Variants in KSR1 observed in about 807,000 individuals in gnomAD.
KSR1 encodes kinase suppressor of ras.
A neutral mutation model predicts 92.9 loss-of-function variants in KSR1; 35 were observed. The observed-to-expected ratio is 0.38, with a 90% CI of 0.29 to 0.50. The LOEUF is 0.50. KSR1 is among the 20% of genes least tolerant of loss of function. KSR1 has a pLI of 0.94. For synonymous variants in KSR1, 467 were observed against 472.6 expected (o/e 0.99, Z 0.15); for missense variants, 972 against 1,158.5 (o/e 0.84, Z 2.34).
chr17:27,527,447 G>T (rs1164214034), intron 1 of KSR1, among the ~76,000 whole-genome samples: 2 of 129,878 alleles, frequency 1.5e-5, no homozygotes, highest in African/African-American at 6.0e-5. Context: ...CTGTCACCTA[G>T]GCTAGAGTGC....
intron 1 of KSR1, among the ~76,000 whole-genome samples, chr17:27,492,342 C>G (rs1207328346): frequency 6.6e-6 from 1 of 152,126 alleles, no homozygotes; most frequent in Non-Finnish European, 1.5e-5. Context: ...CCTCAACTCA[C>G]CTTTGCAGAG....
At position 27,623,731 on chromosome 17, in the gene KSR1, C is replaced by T. The variant is rs1173642871; in HGVS notation, c.*339C>T. On this transcript the variant is annotated 3_prime_UTR_variant, in exon 21 of 21. Transcript: ENST00000644974. ...TGACGGCCAGGATGGCGGAAATGGC[C>T]ATCCCCTCTGAGGACCTTGTAGGCG... 3.5e-6 allele frequency: 2 copies of T among 568,894 alleles called. No individual in the cohort carries two copies. The highest frequency in any genetic ancestry group is 6.1e-6 in the Non-Finnish European group (2 of 328,188). 35.2% of individuals were successfully genotyped at this position (568,894 alleles called of 1,614,324 possible).
intron 3 of KSR1, chr17:27,578,936 A>T (rs763423637): frequency 6.6e-6 from 1 of 152,278 alleles, no homozygotes; most frequent in Non-Finnish European, 1.5e-5. Context: ...GAGGCGTTGG[A>T]TGAGTCATCT....
intron 1 of KSR1, among the ~76,000 whole-genome samples, chr17:27,526,044 T>TTC (rs55737393): frequency 2.4e-5 from 3 of 122,876 alleles, no homozygotes; most frequent in Non-Finnish European, 4.9e-5. Flanking sequence ...TTTCTTTTCT[T>TTC]TCTCTCTCTC....
intron 1 of KSR1, among the ~76,000 whole-genome samples, chr17:27,503,851 T>C (rs1036440980): frequency 6.6e-6 from 1 of 152,132 alleles, no homozygotes; most frequent in South Asian, 2.1e-4. Context: ...GGGTCGGAGC[T>C]CCTAGTCAAC....
At chr17:27,488,661 GTC>G (rs2068736194) in intron 1 of KSR1, among the ~76,000 whole-genome samples, 1 of 152,108 alleles carries the variant, frequency 6.6e-6, no homozygotes, top group Non-Finnish European at 1.5e-5. Flanking sequence ...GTGAGTCCCT[GTC>G]TCTATTAAAA....
chr17:27,622,605 T>A (rs1242452272), intron 20 of KSR1: 1 of 152,692 alleles, frequency 6.5e-6, no homozygotes, highest in African/African-American at 2.4e-5. Flanking sequence ...AAAATTGTCT[T>A]AAAGCAAAGA....
chr17:27,591,433 G>A (rs988604611), intron 7 of KSR1, among the ~76,000 whole-genome samples: 3 of 152,206 alleles, frequency 2.0e-5, no homozygotes, highest in Admixed American at 6.5e-5. Flanking sequence ...GGGAGGCCTC[G>A]GAGGCTCGGT....
chr17:27,471,070 T>C (rs2019974355), intron 1 of KSR1, among the ~76,000 whole-genome samples: 1 of 152,128 alleles, frequency 6.6e-6, no homozygotes, highest in Non-Finnish European at 1.5e-5. Context: ...GGTTTTGCCA[T>C]GTTGGCCAGG....
chr17:27,576,953 C>T (rs2072529994), intron 2 of KSR1, among the ~76,000 whole-genome samples: 1 of 152,126 alleles, frequency 6.6e-6, no homozygotes, highest in African/African-American at 2.4e-5. Context: ...CTCTCTGAGC[C>T]TCTTTCTTCA....
At chr17:27,601,967 A>G (rs774460319) in intron 11 of KSR1, 6 of 1,590,668 alleles carry the variant, frequency 3.8e-6, no homozygotes, top group Non-Finnish European at 4.3e-6. Context: ...CAGTAAGTCA[A>G]TACATTGAGT....
At position 27,459,824 on chromosome 17, in the gene KSR1, A is replaced by G. The variant is rs555943131; in HGVS notation, c.231+2950A>G. Among the ~76,000 whole-genome samples, 1 of 152,226 alleles carries G rather than the reference A, an allele frequency of 6.6e-6. No homozygotes were observed. The highest frequency in any genetic ancestry group is 2.4e-5 in the African/African-American group (1 of 41,544). ...CTGAAATTGGGTTGTGATGGGGTGT[A>G]GTGGGTCAGCGTGTCTGGTTGTCCG... On this transcript the variant is annotated intron_variant, in intron 1 of 20. Transcript: ENST00000644974. This position sits in a 1 kb window ranked among gnomAD's most constrained non-coding sequence, Gnocchi z 4.6.
intron 2 of KSR1, among the ~76,000 whole-genome samples, chr17:27,572,359 T>C (rs2072343539): frequency 6.6e-6 from 1 of 152,192 alleles, no homozygotes; most frequent in African/African-American, 2.4e-5. Flanking sequence ...TCAAGATGGA[T>C]TGGGCATCTC....
intron 14 of KSR1, among the ~76,000 whole-genome samples, chr17:27,607,503 A>G (rs1286572547): frequency 1.3e-5 from 2 of 152,294 alleles, no homozygotes; most frequent in East Asian, 1.9e-4. Flanking sequence ...AATGAAAACT[A>G]TAATGAGATT....
chr17:27,531,318 G>A (rs545858411), intron 1 of KSR1, among the ~76,000 whole-genome samples: 2 of 152,378 alleles, frequency 1.3e-5, no homozygotes, highest in African/African-American at 2.4e-5. Context: ...ACTGCAGGGC[G>A]GCCCCCTTCT....
At chr17:27,529,825 A>C in intron 1 of KSR1, among the ~76,000 whole-genome samples, 1 of 152,256 alleles carries the variant, frequency 6.6e-6, no homozygotes, top group South Asian at 2.1e-4. Context: ...TTTAATTTTC[A>C]TATCTGAATT....
chr17:27,596,788 A>G (rs1468635702), intron 9 of KSR1, among the ~76,000 whole-genome samples: 1 of 152,202 alleles, frequency 6.6e-6, no homozygotes, highest in African/African-American at 2.4e-5. Context: ...TATAACATTT[A>G]TCAGAGCCTG....
At position 27,553,770 on chromosome 17, in the gene KSR1, A is replaced by G. The variant is rs117877242; in HGVS notation, c.372+3062A>G. The stretch of plus-strand genomic sequence containing the variant: ...AGAGTATTCTAAAGCCCAGAAAGAA[A>G]AGGCTATTTCCTTTAGTAAACCCAG... On this transcript the variant is annotated intron_variant, in intron 2 of 20. Transcript: ENST00000644974. Among the ~76,000 whole-genome samples, 1,480 of 152,334 alleles carry G rather than the reference A, an allele frequency of 9.7e-3. 7 individuals carry two copies. Among genetic ancestry groups the G allele is most frequent in the Non-Finnish European group, 0.013 (898 of 68,040 alleles).
At chr17:27,540,395 C>T (rs1206614384) in intron 1 of KSR1, among the ~76,000 whole-genome samples, 2 of 152,226 alleles carry the variant, frequency 1.3e-5, no homozygotes, top group African/African-American at 2.4e-5. Flanking sequence ...CAGCTGTGGC[C>T]GTTCTCACCC....
Sources: allele counts gnomAD v4.1 joint callset (sites outside exome capture counted in the v4.1 genomes callset), GRCh38; gene constraint gnomAD v4.1.1; non-coding constraint Gnocchi (gnomAD v3.1); transcripts MANE v1.5; gene names NCBI Gene and HGNC (gene_info 2026-07-23, HGNC 2026-07-21).